Variants in PTPRD observed in about 807,000 individuals in gnomAD.
PTPRD encodes receptor-type tyrosine-protein phosphatase delta.
PTPRD carries 34 observed loss-of-function variants against 214.5 expected under a neutral mutation model. The observed-to-expected ratio is 0.16, with a 90% CI of 0.12 to 0.21. PTPRD has a LOEUF of 0.21. PTPRD is among the 10% of genes least tolerant of loss of function. The pLI is 1.00. For synonymous variants in PTPRD, 1,128 were observed against 845.7 expected (o/e 1.33, Z -5.79); for missense variants, 2,545 against 2,398.7 (o/e 1.06, Z -1.27).
chr9:10,241,347 G>C (rs533370098), intron 3 of PTPRD, among the ~76,000 whole-genome samples: 1 of 151,984 alleles, frequency 6.6e-6, no homozygotes, highest in Admixed American at 6.6e-5. Flanking sequence ...TTCATTCCTA[G>C]AGATTTACCC....
chr9:9,259,746 C>T (rs948874059), intron 9 of PTPRD, among the ~76,000 whole-genome samples: 2 of 151,788 alleles, frequency 1.3e-5, no homozygotes, highest in Admixed American at 6.6e-5. Context: ...TAATAGTAAA[C>T]GCAGATCAGG....
intron 9 of PTPRD, among the ~76,000 whole-genome samples, chr9:9,226,076 C>T (rs1486940401): frequency 6.6e-6 from 1 of 151,932 alleles, no homozygotes; most frequent in Non-Finnish European, 1.5e-5. Context: ...TTATCAGTAT[C>T]TAAAAATGAA....
chr9:9,617,287 T>A (rs1036377638), intron 7 of PTPRD, among the ~76,000 whole-genome samples: 12 of 152,166 alleles, frequency 7.9e-5, no homozygotes, highest in African/African-American at 2.9e-4. Flanking sequence ...TAAAAACTAA[T>A]TCAGGTCCTC....
At chr9:8,929,767 G>GTGTATATATATGTGTGTATATATA (rs1567061352) in intron 11 of PTPRD, among the ~76,000 whole-genome samples, 2 of 99,532 alleles carry the variant, frequency 2.0e-5, no homozygotes, top group Non-Finnish European at 4.0e-5. Context: ...GTATATATAT[G>GTGTATATATATGTGTGTATATATA]TGTATATATA....
At chr9:8,828,006 C>T (rs2097209655) in intron 11 of PTPRD, among the ~76,000 whole-genome samples, 1 of 152,062 alleles carries the variant, frequency 6.6e-6, no homozygotes. Flanking sequence ...CTGTGTTGGG[C>T]ACTGTTTAAT....
intron 3 of PTPRD, among the ~76,000 whole-genome samples, chr9:10,043,086 C>T (rs2097326542): frequency 1.3e-5 from 2 of 151,830 alleles, no homozygotes; most frequent in South Asian, 4.1e-4. Context: ...AAACAGAGGG[C>T]AGTAAGAGCA....
chr9:9,399,629 A>G lies in PTPRD; in HGVS notation c.-236-2147T>C, dbSNP rs10118728. Among the ~76,000 whole-genome samples, 1,077 of 152,114 alleles carry G rather than the reference A, an allele frequency of 7.1e-3. 13 individuals are homozygous for G. The highest frequency in any genetic ancestry group is 0.024 in the African/African-American group (979 of 41,542). On this transcript the variant is annotated intron_variant, in intron 8 of 45. Coordinates refer to ENST00000381196, the MANE Select transcript of PTPRD (RefSeq NM_002839.4). ...ATATTGTGGTAGAGATCCAGTGAGA[A>G]GTAATTGAATCATGGGGGGCGGGTC...
At chr9:8,365,937 G>A (rs1346257212) in intron 39 of PTPRD, among the ~76,000 whole-genome samples, 2 of 152,072 alleles carry the variant, frequency 1.3e-5, no homozygotes, top group Non-Finnish European at 2.9e-5. Flanking sequence ...ACAGACTTGC[G>A]AGAAAAAACA....
At chr9:9,376,786 T>C (rs2060917632) in intron 9 of PTPRD, among the ~76,000 whole-genome samples, 1 of 151,978 alleles carries the variant, frequency 6.6e-6, no homozygotes, top group Non-Finnish European at 1.5e-5. Context: ...AGTCTCAGGA[T>C]GAAAAAAGAA....
At chr9:9,495,310 CAAAA>C (rs541722358) in intron 8 of PTPRD, among the ~76,000 whole-genome samples, 2 of 84,598 alleles carry the variant, frequency 2.4e-5, no homozygotes, top group Non-Finnish European at 2.6e-5. Flanking sequence ...ACCTTCAAGC[CAAAA>C]AAAAAAAAAA....
chr9:8,511,600 A>C (rs903437210), intron 21 of PTPRD, among the ~76,000 whole-genome samples: 1 of 152,190 alleles, frequency 6.6e-6, no homozygotes, highest in Non-Finnish European at 1.5e-5. Context: ...AAATAAAAAC[A>C]ACATATCCAG....
At chr9:9,840,815 A>T (rs1418376231) in intron 5 of PTPRD, among the ~76,000 whole-genome samples, 1 of 149,294 alleles carries the variant, frequency 6.7e-6, no homozygotes, top group Non-Finnish European at 1.5e-5. Flanking sequence ...AGGGGAAGGG[A>T]AATACACTGG....
At chr9:9,515,523 T>C (rs758577270) in intron 8 of PTPRD, among the ~76,000 whole-genome samples, 1 of 152,086 alleles carries the variant, frequency 6.6e-6, no homozygotes, top group African/African-American at 2.4e-5. Context: ...TATCACTACA[T>C]ATAAGAGAGA....
chr9:8,493,832 G>T (rs986784349), intron 26 of PTPRD, among the ~76,000 whole-genome samples: 1 of 152,120 alleles, frequency 6.6e-6, no homozygotes, highest in Non-Finnish European at 1.5e-5. Flanking sequence ...AGCTGTGGTG[G>T]TTATAAGACC....
chr9:8,876,393 A>C lies in PTPRD; in HGVS notation c.-104+142304T>G, dbSNP rs888456383. ...TAAATGCCAGTTTACCTTTCCTTTT[A>C]AACACTGGAAATAGACCAGGAATGT... is the stretch of plus-strand genomic sequence containing the variant. On this transcript the variant is annotated intron_variant, in intron 11 of 45. Coordinates refer to ENST00000381196, the MANE Select transcript of PTPRD (RefSeq NM_002839.4). 2.6e-5 allele frequency among the ~76,000 whole-genome samples: 4 copies of C among 152,304 alleles called. No individual in the cohort carries two copies. In the East Asian group the frequency reaches 5.8e-4, roughly 22 times the overall value.
At chr9:10,329,030 C>G in intron 3 of PTPRD, among the ~76,000 whole-genome samples, 1 of 151,694 alleles carries the variant, frequency 6.6e-6, no homozygotes, top group East Asian at 1.9e-4. Context: ...CTTTATTTTA[C>G]TAATCTCACT....
intron 7 of PTPRD, among the ~76,000 whole-genome samples, chr9:9,584,734 T>C (rs1364324023): frequency 6.6e-6 from 1 of 151,954 alleles, no homozygotes; most frequent in Admixed American, 6.6e-5. Context: ...CCATGCACCC[T>C]TTATGCTTTT....
At chr9:10,090,883 C>G (rs1056669000) in intron 3 of PTPRD, among the ~76,000 whole-genome samples, 4 of 139,016 alleles carry the variant, frequency 2.9e-5, no homozygotes, top group Non-Finnish European at 4.7e-5. Context: ...TTACAAAAAT[C>G]TACACCAAAG....
At chr9:9,323,935 G>A (rs145688892) in intron 9 of PTPRD, among the ~76,000 whole-genome samples, 1 of 152,100 alleles carries the variant, frequency 6.6e-6, no homozygotes, top group East Asian at 1.9e-4. Context: ...TGAGAACATG[G>A]AGTGTTTGGT....
Sources: allele counts gnomAD v4.1 joint callset (sites outside exome capture counted in the v4.1 genomes callset), GRCh38; gene constraint gnomAD v4.1.1; transcripts MANE v1.5; gene names NCBI Gene and HGNC (gene_info 2026-07-23, HGNC 2026-07-21).